The following LRRC4C variants were observed in gnomAD, a reference collection of about 807,000 sequenced individuals.
LRRC4C encodes the protein leucine rich repeat containing 4C.
In LRRC4C, 5 loss-of-function variants were observed where a neutral mutation model predicts 33.6. That is an observed-to-expected ratio of 0.15 (90% CI 0.08 to 0.31). The LOEUF is 0.31. Among genes scored for constraint, LRRC4C ranks in the 10% least tolerant of loss-of-function variants. The probability of loss-of-function intolerance (pLI) is 1.00; values close to 1 mark genes in which losing one functional copy is unlikely to be tolerated. For missense variants in LRRC4C, 560 were observed against 796.7 expected, an observed-to-expected ratio of 0.70 and a Z score of 3.58; for synonymous variants, 329 against 302.0, an observed-to-expected ratio of 1.09 and a Z score of -0.93.
intron 2 of LRRC4C, among the ~76,000 whole-genome samples, chr11:40,700,129 C>T (rs1383446191): frequency 6.6e-6 from 1 of 152,038 alleles, no homozygotes; most frequent in Non-Finnish European, 1.5e-5. Context: ...TCTTAGATGA[C>T]TGAAGATAAC....
intron 2 of LRRC4C, among the ~76,000 whole-genome samples, chr11:40,691,703 G>A (rs1945228896): frequency 6.6e-6 from 1 of 151,960 alleles, no homozygotes; most frequent in Non-Finnish European, 1.5e-5. Context: ...GAAGAATAAA[G>A]CATTTTGACA....
rs1159223980 is a variant in LRRC4C at position 40,685,591 on chromosome 11, C to G, written c.-406-37313G>C. On this transcript the variant is annotated intron_variant, in intron 2 of 6. Transcript: ENST00000528697. The stretch of plus-strand genomic sequence containing the variant: ...ATATTAATTTGAAATGTATCACTAC[C>G]CAGAAAACCTGGAAAATAGAATTCG... Among the ~76,000 whole-genome samples, 9 of 151,354 alleles carry G rather than the reference C, an allele frequency of 5.9e-5. No homozygotes were observed. In the East Asian group the frequency reaches 1.7e-3, roughly 29 times the overall value.
intron 2 of LRRC4C, among the ~76,000 whole-genome samples, chr11:40,671,239 AT>A (rs1232560751): frequency 3.3e-5 from 5 of 152,190 alleles, no homozygotes; most frequent in Admixed American, 2.6e-4. Flanking sequence ...TCATTTTATT[AT>A]TTTAAATTAT....
chr11:41,399,666 A>G (rs917070452), intron 1 of LRRC4C, among the ~76,000 whole-genome samples: 2 of 151,990 alleles, frequency 1.3e-5, no homozygotes, highest in African/African-American at 4.8e-5. Context: ...AAGAGAACAT[A>G]AAACTTTAAT....
chr11:41,371,553 A>G (rs2137787826), intron 1 of LRRC4C, among the ~76,000 whole-genome samples: 1 of 152,290 alleles, frequency 6.6e-6, no homozygotes, highest in South Asian at 2.1e-4. Context: ...CCTAACGAAA[A>G]AGAAAGAAAG....
chr11:40,802,091 G>T (rs1200440984), intron 2 of LRRC4C, among the ~76,000 whole-genome samples: 1 of 152,132 alleles, frequency 6.6e-6, no homozygotes, highest in Non-Finnish European at 1.5e-5. Flanking sequence ...CAACAAGCTT[G>T]CATCTTCTTC....
At chr11:40,453,634 C>T (rs568514303) in intron 3 of LRRC4C, among the ~76,000 whole-genome samples, 102 of 143,692 alleles carry the variant, frequency 7.1e-4, no homozygotes, top group African/African-American at 2.4e-3. Flanking sequence ...AAAACAACTA[C>T]GGACCAATAT....
chr11:40,214,381 A>G (rs1863826506), intron 5 of LRRC4C, among the ~76,000 whole-genome samples: 2 of 151,926 alleles, frequency 1.3e-5, no homozygotes, highest in Non-Finnish European at 2.9e-5. Context: ...CTAAGTCCCT[A>G]TTACATATTT....
intron 1 of LRRC4C, among the ~76,000 whole-genome samples, chr11:41,424,816 T>TATTTAGTGTCATA (rs1954985072): frequency 6.6e-6 from 1 of 152,132 alleles, no homozygotes; most frequent in African/African-American, 2.4e-5. Context: ...AGTGTCATGC[T>TATTTAGTGTCATA]TCCCCAAGGA....
Position 40,470,870 on chromosome 11 carries a change from A to G in LRRC4C, c.-269-151149T>C, listed in dbSNP as rs533968246. Among the ~76,000 whole-genome samples, 6 of 152,330 alleles carry G rather than the reference A, an allele frequency of 3.9e-5. No individual in the cohort carries two copies. The South Asian group carries it at 1.2e-3, about 32-fold the overall frequency. On this transcript the variant is annotated intron_variant, in intron 3 of 6. Transcript: ENST00000528697. ...AAAAGGAACTAACAAAGCCTCCAAG[A>G]AGTATGGGACTATGTGAAAAGACCA...
intron 3 of LRRC4C, among the ~76,000 whole-genome samples, chr11:40,480,197 G>A (rs1953474713): frequency 2.0e-5 from 3 of 151,796 alleles, no homozygotes. Context: ...AAAGCAGGGG[G>A]GCTTCTGTGT....
chr11:40,531,393 A>G (rs1030966187), intron 3 of LRRC4C, among the ~76,000 whole-genome samples: 3 of 152,092 alleles, frequency 2.0e-5, no homozygotes, highest in African/African-American at 7.2e-5. Flanking sequence ...ATTCACCTCT[A>G]AGTACAAAGG....
At chr11:40,221,582 A>T (rs1200373009) in intron 5 of LRRC4C, among the ~76,000 whole-genome samples, 2 of 152,142 alleles carry the variant, frequency 1.3e-5, no homozygotes, top group African/African-American at 4.8e-5. Context: ...ATATTGTCTT[A>T]TGCCCAATTT....
At chr11:40,917,516 C>A (rs1038891) in intron 2 of LRRC4C, among the ~76,000 whole-genome samples, 17,693 of 151,990 alleles carry the variant, frequency 0.12, 1,597 homozygotes, top group African/African-American at 0.24. Context: ...TTAAATTATG[C>A]GTTGTATGCC....
At chr11:40,318,626 C>T (rs918117977) in intron 4 of LRRC4C, among the ~76,000 whole-genome samples, 7 of 152,048 alleles carry the variant, frequency 4.6e-5, no homozygotes, top group African/African-American at 7.2e-5. Flanking sequence ...TCCATGTACA[C>T]GGGTTGTTTA....
intron 1 of LRRC4C, among the ~76,000 whole-genome samples, chr11:41,055,257 C>T (rs776936271): frequency 6.6e-6 from 1 of 152,078 alleles, no homozygotes; most frequent in Non-Finnish European, 1.5e-5. Context: ...GAAGGTAGTG[C>T]TAGTCTATTG....
intron 5 of LRRC4C, among the ~76,000 whole-genome samples, chr11:40,225,525 C>G (rs1164383958): frequency 6.6e-6 from 1 of 152,084 alleles, no homozygotes; most frequent in South Asian, 2.1e-4. Flanking sequence ...TACAGATGTT[C>G]TAATTGGTTG....
intron 1 of LRRC4C, among the ~76,000 whole-genome samples, chr11:41,454,232 G>C (rs1956111966): frequency 6.6e-6 from 1 of 152,020 alleles, no homozygotes. Context: ...TAAGAACAAG[G>C]CTTTTTACAT....
rs201051741 is a variant in LRRC4C at position 40,440,866 on chromosome 11, A to T, written c.-269-121145T>A. On this transcript the variant is annotated intron_variant, in intron 3 of 6. Transcript: ENST00000528697. ...GCTGCAATCTCTTAGCCAGTAGGGA[A>T]TTTTTTTTTTTTTTATTAGTGCAGC... 1.0e-3 allele frequency among the ~76,000 whole-genome samples: 154 copies of T among 148,966 alleles called. No individual in the cohort carries two copies. In the Middle Eastern group the frequency reaches 0.01, roughly 10 times the overall value.
Sources: allele counts gnomAD v4.1 joint callset (sites outside exome capture counted in the v4.1 genomes callset), GRCh38; gene constraint gnomAD v4.1.1; transcripts MANE v1.5; gene names NCBI Gene and HGNC (gene_info 2026-07-23, HGNC 2026-07-21).